The following STAG3 variants were observed in gnomAD, a reference collection of about 807,000 sequenced individuals.
STAG3 encodes STAG3 cohesin complex component, also known as cohesin subunit SA-3.
In STAG3, 101 loss-of-function variants were observed where a neutral mutation model predicts 160.7. That is an observed-to-expected ratio of 0.63 (90% confidence interval 0.54 to 0.74). The LOEUF (loss-of-function observed/expected upper bound fraction) is 0.74, where lower values mean the gene tolerates loss of function less well. STAG3 is among the 30% of genes least tolerant of loss of function. The pLI, the probability that STAG3 is intolerant of heterozygous loss-of-function variation, is 0.00. For missense variants in STAG3, 1,188 were observed against 1,517.4 expected, an observed-to-expected ratio of 0.78 and a Z score of 3.61; for synonymous variants, 519 against 585.0, an observed-to-expected ratio of 0.89 and a Z score of 1.63.
intron 1 of STAG3, among the ~76,000 whole-genome samples, chr7:100,178,398 T>C (rs1799412965): frequency 1.3e-5 from 2 of 152,190 alleles, no homozygotes; most frequent in Admixed American, 1.3e-4. Flanking sequence ...AATCAGGTGC[T>C]AGTCCTCTGG....
rs1268669313 is a variant in STAG3 at position 100,211,550 on chromosome 7, C to A, written c.3518+11C>A. On this transcript the variant is annotated intron_variant, in intron 31 of 33. Coordinates refer to ENST00000615138, the MANE Select transcript of STAG3 (RefSeq NM_001282717.2). The stretch of plus-strand genomic sequence containing the variant: ...CAACCAGCTGATGCGGTGAGCTTTT[C>A]TCATCATCTCCTGTCTTCACTTCAG... The A allele has an allele frequency of 6.2e-7, 1 of 1,612,746 alleles. No homozygotes were observed.
chr7:100,209,875 G>A (rs1802016745), intron 29 of STAG3, among the ~76,000 whole-genome samples: 1 of 152,186 alleles, frequency 6.6e-6, no homozygotes. Flanking sequence ...CTGAGATGGG[G>A]AAGGCAGAGA....
intron 9 of STAG3, among the ~76,000 whole-genome samples, chr7:100,195,839 A>G (rs1800651594): frequency 6.6e-6 from 1 of 152,220 alleles, no homozygotes; most frequent in African/African-American, 2.4e-5. Context: ...GTTAAAAAGA[A>G]TATATGTAGG....
intron 4 of STAG3, 36 bp from the exon 5 acceptor site, chr7:100,186,163 GC>G: frequency 6.6e-7 from 1 of 1,514,932 alleles, no homozygotes; most frequent in Non-Finnish European, 9.2e-7. Flanking sequence ...CTGTCATATT[GC>G]CAGAAACAGA....
In STAG3 at chr7:100,189,435, T is replaced by C. The variant is rs1800220891; in HGVS notation, c.716-10T>C. 1 of 1,608,306 alleles carries C rather than the reference T, an allele frequency of 6.2e-7. No individual in the cohort carries two copies. The highest frequency in any genetic ancestry group is 1.3e-5 in the African/African-American group (1 of 74,514). The stretch of plus-strand genomic sequence containing the variant: ...TAATGATTTCTTTATCTCTTTTTCC[T>C]TTCTCAAAGCTATGAAACTGATGAC... On this transcript the variant is annotated splice_polypyrimidine_tract_variant and intron_variant, in intron 7 of 33. Transcript: ENST00000615138.
At position 100,211,738 on chromosome 7, in the gene STAG3, C is replaced by G. The variant is rs1802229607; in HGVS notation, c.3519-57C>G. The G allele has an allele frequency of 3.8e-6, 6 of 1,581,296 alleles. No individual in the cohort carries two copies. In the Admixed American group the frequency reaches 5.1e-5, roughly 13 times the overall value. On this transcript the variant is annotated intron_variant, in intron 31 of 33. Coordinates refer to ENST00000615138, the MANE Select transcript of STAG3 (RefSeq NM_001282717.2). ...TCCCCCACCCCGGGTGTCTGAGAAA[C>G]TCTCAGGGGTCCTCAAAGAACAGTT...
At chr7:100,217,584 G>A (rs1332596104), downstream of STAG3, among the ~76,000 whole-genome samples, 7 of 152,124 alleles carry the variant, frequency 4.6e-5, no homozygotes, top group African/African-American at 9.7e-5. Context: ...ACCTAGACGC[G>A]GAGACCAGTA....
At position 100,195,451 on chromosome 7, in the gene STAG3, G is replaced by T. The variant is rs975441426; in HGVS notation, c.941+69G>T. The T allele has an allele frequency of 2.1e-6, 3 of 1,452,796 alleles. No individual in the cohort carries two copies. In the African/African-American group the frequency reaches 4.2e-5, roughly 20 times the overall value. 90.0% of individuals were successfully genotyped at this position (1,452,796 alleles called of 1,614,324 possible). A position where few individuals can be genotyped will look rare whatever the true frequency, so the allele number is the denominator to read the frequency against. ...TATGGAATCTGAGGAAGTGAATAAGGTTTTCCCCCCTCCAACCCTTAGTTA... is the reference window on the plus strand; with the variant it reads ...TATGGAATCTGAGGAAGTGAATAAGTTTTTCCCCCCTCCAACCCTTAGTTA... On this transcript the variant is annotated intron_variant, in intron 9 of 33. Transcript: ENST00000615138.
chr7:100,188,783 T>G (rs1800180605), intron 6 of STAG3, 29 bp from the exon 7 acceptor site: 1 of 1,611,772 alleles, frequency 6.2e-7, no homozygotes, highest in African/African-American at 1.3e-5. Context: ...GTAATAACTT[T>G]CCCATCCTTT....
chr7:100,209,023 G>A (rs1025823671), intron 29 of STAG3, among the ~76,000 whole-genome samples: 7 of 152,134 alleles, frequency 4.6e-5, no homozygotes, highest in African/African-American at 1.4e-4. Context: ...CGCCACCACC[G>A]AGGAAACCAG....
intron 17 of STAG3, 33 bp from the exon 18 acceptor site, chr7:100,200,420 C>T (rs779232041): frequency 6.2e-7 from 1 of 1,613,322 alleles, no homozygotes; most frequent in Non-Finnish European, 8.5e-7. Flanking sequence ...AATGTGTCAG[C>T]TTGTAAGGAG....
chr7:100,203,076 T>G (rs1181709971), intron 25 of STAG3, among the ~76,000 whole-genome samples: 1 of 152,182 alleles, frequency 6.6e-6, no homozygotes, highest in African/African-American at 2.4e-5. Flanking sequence ...CCATTGTAGT[T>G]GGGGAGAGAC....
At chr7:100,218,633 C>A (rs1727143), downstream of STAG3, 126,084 of 339,910 alleles carry the variant, frequency 0.37, 32,935 homozygotes, top group African/African-American at 0.51. Context: ...GAGAGTCTTC[C>A]GTTACTAGGT....
chr7:100,193,581 A>G lies in STAG3; in HGVS notation c.868-1728A>G, dbSNP rs1288327826. On this transcript the variant is annotated intron_variant, in intron 8 of 33. Coordinates refer to ENST00000615138, the MANE Select transcript of STAG3 (RefSeq NM_001282717.2). Reference sequence around the variant, plus strand: ...CTGCTTCACCGTGTACTTTTATGTTATGGAGAGGGCTTCTTTCCTTAAACC... The same window carrying G: ...CTGCTTCACCGTGTACTTTTATGTTGTGGAGAGGGCTTCTTTCCTTAAACC... Among the ~76,000 whole-genome samples, 8 of 152,216 alleles carry G rather than the reference A, an allele frequency of 5.3e-5. No individual in the cohort carries two copies. In the East Asian group the frequency reaches 1.5e-3, roughly 29 times the overall value.
chr7:100,205,831 A>G (rs1801602603), intron 29 of STAG3, among the ~76,000 whole-genome samples: 1 of 138,192 alleles, frequency 7.2e-6, no homozygotes, highest in Admixed American at 7.1e-5. Context: ...CTCTGTCTCA[A>G]AAAAAAAAAA....
At position 100,199,300 on chromosome 7, in the gene STAG3, G is replaced by C; in HGVS notation, c.1506G>C (p.Trp502Cys). The C allele has an allele frequency of 6.2e-7, 1 of 1,614,008 alleles. No homozygotes were observed. The highest frequency in any genetic ancestry group is 8.5e-7 in the Non-Finnish European group (1 of 1,179,896). Reference protein sequence around the residue: ...DHAAYLVDSLWDCAGARLKDW... With the variant: ...DHAAYLVDSLCDCAGARLKDW... Reference sequence around the variant, plus strand: ...CTGCTTACTTAGTAGACAGTCTGTGGGACTGTGCAGGGGCTCGGCTGAAGG... The same window carrying C: ...CTGCTTACTTAGTAGACAGTCTGTGCGACTGTGCAGGGGCTCGGCTGAAGG... The change falls in exon 15 of 34, where the codon TGG (tryptophan) becomes TGC (cysteine). Residue 502 changes from tryptophan (W) to cysteine (C), a missense_variant. This residue lies in a region of STAG3 where 240 missense variants were observed against 358.1 expected (regional missense o/e 0.67). Coordinates refer to ENST00000615138, the MANE Select transcript of STAG3 (RefSeq NM_001282717.2).
At chr7:100,217,419 G>A (rs369195868), downstream of STAG3, among the ~76,000 whole-genome samples, 7 of 152,360 alleles carry the variant, frequency 4.6e-5, no homozygotes, top group African/African-American at 1.4e-4. Context: ...GGTAAGTGAT[G>A]CAGAGCAGTG....
rs753331603 is a variant in STAG3 at position 100,186,302 on chromosome 7, G to A, written c.433+6G>A. On this transcript the variant is annotated splice_donor_region_variant and intron_variant, in intron 5 of 33. Transcript: ENST00000615138. The stretch of plus-strand genomic sequence containing the variant: ...CCAATCTTGCGGATGTAAAGGTGAG[G>A]AAACTGCTCCCCCTTTCTAATTCCC... 8 of 1,610,984 alleles carry A rather than the reference G, an allele frequency of 5.0e-6. No individual in the cohort carries two copies. The South Asian group carries it at 8.8e-5, about 18-fold the overall frequency.
chr7:100,189,042 A>G (rs1231349286), intron 7 of STAG3, 26 bp downstream of exon 7: 2 of 1,612,016 alleles, frequency 1.2e-6, no homozygotes, highest in Non-Finnish European at 8.5e-7. Context: ...TACTCTGGAC[A>G]TTCTCCTGGG....
Sources: gnomAD v4.1 joint callset for allele counts (sites outside exome capture counted in the v4.1 genomes callset) on GRCh38, gnomAD v4.1.1 for gene constraint, gnomAD v4.1.1 regional missense constraint, MANE v1.5 for transcripts, NCBI Gene and HGNC (gene_info 2026-07-23, HGNC 2026-07-21) for gene names.